MTCL3: variants seen among roughly 807,000 people sequenced by gnomAD.
The protein encoded by MTCL3 is MTCL family member 3.
chr6:127,516,730 A>C, the MTCL3 span: 1 of 1,468,452 alleles, frequency 6.8e-7, no homozygotes, highest in Admixed American at 2.6e-5. Context: ...GGAGAGAAGA[A>C]GACAACATGT....
chr6:127,515,970 G>C, the MTCL3 span: 5 of 1,602,100 alleles, frequency 3.1e-6, no homozygotes, highest in Non-Finnish European at 4.2e-6. The surrounding 1 kb of genome is among the most constrained non-coding windows in gnomAD (Gnocchi z 4.3). Context: ...ATGGAGAAGG[G>C]GAGGCCCCCT....
At chr6:127,497,611 A>G in the MTCL3 span, among the ~76,000 whole-genome samples, 732 of 152,320 alleles carry the variant, frequency 4.8e-3, 5 homozygotes, top group African/African-American at 0.016. Flanking sequence ...TACTATCATC[A>G]GTAATTGAGC....
the MTCL3 span, chr6:127,475,923 C>G: frequency 6.2e-7 from 1 of 1,613,170 alleles, no homozygotes; most frequent in South Asian, 1.1e-5. This position sits in a 1 kb window ranked among gnomAD's most constrained non-coding sequence, Gnocchi z 7.3. Flanking sequence ...GCTCCTCCTG[C>G]AGGGCCTCGG....
chr6:127,512,828 C>T, the MTCL3 span: 1 of 1,470,446 alleles, frequency 6.8e-7, no homozygotes, highest in Non-Finnish European at 9.1e-7. Context: ...CATATTAGTC[C>T]TTGGGATTCT....
chr6:127,502,407 T>C, the MTCL3 span, among the ~76,000 whole-genome samples: 1 of 152,170 alleles, frequency 6.6e-6, no homozygotes, highest in African/African-American at 2.4e-5. Flanking sequence ...CCAGATTATC[T>C]CCCTGTCCAT....
the MTCL3 span, among the ~76,000 whole-genome samples, chr6:127,511,647 T>C: frequency 6.6e-6 from 1 of 152,220 alleles, no homozygotes; most frequent in Non-Finnish European, 1.5e-5. Context: ...CCAGTCTCCA[T>C]ATTTTTCTAC....
chr6:127,475,488 G>A, the MTCL3 span: 26 of 1,613,568 alleles, frequency 1.6e-5, no homozygotes, highest in Non-Finnish European at 1.9e-5. This position sits in a 1 kb window ranked among gnomAD's most constrained non-coding sequence, Gnocchi z 7.3. Flanking sequence ...CGTTGGCCAC[G>A]TAGATGCGCG....
chr6:127,482,040 G>C, the MTCL3 span, among the ~76,000 whole-genome samples: 1 of 152,168 alleles, frequency 6.6e-6, no homozygotes, highest in East Asian at 1.9e-4. The surrounding 1 kb of genome is among the most constrained non-coding windows in gnomAD (Gnocchi z 4.1). Context: ...GTCTAAAAAG[G>C]GGAGGCATGA....
At chr6:127,511,708 A>C in the MTCL3 span, among the ~76,000 whole-genome samples, 3 of 152,152 alleles carry the variant, frequency 2.0e-5, no homozygotes, top group Non-Finnish European at 4.4e-5. Context: ...ATATCATTAA[A>C]ATATTTTTTT....
At chr6:127,505,122 TA>T in the MTCL3 span, among the ~76,000 whole-genome samples, 1 of 152,200 alleles carries the variant, frequency 6.6e-6, no homozygotes, top group African/African-American at 2.4e-5. Flanking sequence ...ATGCCTGGAT[TA>T]TTAGGGAGTT....
chr6:127,479,265 G>C, the MTCL3 span, among the ~76,000 whole-genome samples: 1 of 152,344 alleles, frequency 6.6e-6, no homozygotes, highest in South Asian at 2.1e-4. Flanking sequence ...GATTGTAGCA[G>C]TGAAGACGAC....
the MTCL3 span, among the ~76,000 whole-genome samples, chr6:127,495,065 T>G: frequency 6.7e-6 from 1 of 150,150 alleles, no homozygotes; most frequent in South Asian, 2.1e-4. Context: ...GGCATGGTGG[T>G]GGACACCTAT....
At chr6:127,512,869 C>T in the MTCL3 span, 2 of 1,598,954 alleles carry the variant, frequency 1.3e-6, no homozygotes, top group African/African-American at 2.7e-5. Context: ...CATAGTACAC[C>T]ATGAAATAAT....
the MTCL3 span, among the ~76,000 whole-genome samples, chr6:127,478,779 G>A: frequency 4.7e-3 from 716 of 152,242 alleles, 4 homozygotes; most frequent in African/African-American, 0.016. Flanking sequence ...AGCACTTTGG[G>A]AGGCTGAGGT....
the MTCL3 span, among the ~76,000 whole-genome samples, chr6:127,503,515 C>G: frequency 6.6e-6 from 1 of 152,176 alleles, no homozygotes; most frequent in South Asian, 2.1e-4. Flanking sequence ...CTGCAGTCTT[C>G]TCTCATTCAT....
chr6:127,503,146 G>T, the MTCL3 span, among the ~76,000 whole-genome samples: 1 of 152,170 alleles, frequency 6.6e-6, no homozygotes, highest in East Asian at 1.9e-4. Context: ...CATGAAAGTG[G>T]CAGTGGAGGG....
At chr6:127,501,003 G>A in the MTCL3 span, among the ~76,000 whole-genome samples, 6 of 152,072 alleles carry the variant, frequency 3.9e-5, no homozygotes, top group East Asian at 1.9e-4. Flanking sequence ...TAGTAGAGAC[G>A]GGGTTTCACC....
chr6:127,495,965 C>T, the MTCL3 span, among the ~76,000 whole-genome samples: 1 of 152,100 alleles, frequency 6.6e-6, no homozygotes, highest in Non-Finnish European at 1.5e-5. Context: ...CATGGTGGCT[C>T]ACGCCTGTAA....
chr6:127,497,458 T>C, the MTCL3 span, among the ~76,000 whole-genome samples: 1 of 152,246 alleles, frequency 6.6e-6, no homozygotes, highest in Admixed American at 6.5e-5. Flanking sequence ...AGGTTTATTC[T>C]TTTTCATATA....
Sources: gnomAD v4.1 joint callset for allele counts (sites outside exome capture counted in the v4.1 genomes callset) on GRCh38, gnomAD v4.1.1 for gene constraint, Gnocchi (gnomAD v3.1) non-coding constraint, MANE v1.5 for transcripts, NCBI Gene and HGNC (gene_info 2026-07-23, HGNC 2026-07-21) for gene names.